METTL15: variants seen among roughly 807,000 people sequenced by gnomAD.
METTL15 encodes methyltransferase 15, mitochondrial 12S rRNA N4-cytidine.
METTL15 carries 34 observed loss-of-function variants against 38.3 expected under a neutral mutation model. That is an observed-to-expected ratio of 0.89 (90% CI 0.68 to 1.18). METTL15 has a LOEUF of 1.18. Among genes scored for constraint, METTL15 ranks in the 50% most tolerant of loss-of-function variants. METTL15 has a pLI of 0.00. For missense variants in METTL15, 438 were observed against 498.4 expected, an observed-to-expected ratio of 0.88 and a Z score of 1.15; for synonymous variants, 162 against 170.9, an observed-to-expected ratio of 0.95 and a Z score of 0.41.
At chr11:28,213,059 A>G (rs78090627) in intron 4 of METTL15, among the ~76,000 whole-genome samples, 117 of 152,336 alleles carry the variant, frequency 7.7e-4, no homozygotes, top group African/African-American at 2.8e-3. Flanking sequence ...TAAAAGGCAT[A>G]AACGACTTTA....
At chr11:28,419,927 A>G (rs1252760712) in intron 5 of METTL15, among the ~76,000 whole-genome samples, 12 of 152,188 alleles carry the variant, frequency 7.9e-5, no homozygotes, top group Admixed American at 7.9e-4. Flanking sequence ...AACAGAAGAG[A>G]GAATTAGTGA....
At chr11:28,235,116 A>C (rs1163466902) in intron 4 of METTL15, among the ~76,000 whole-genome samples, 1 of 152,138 alleles carries the variant, frequency 6.6e-6, no homozygotes, top group Non-Finnish European at 1.5e-5. Flanking sequence ...AGATAGTTGT[A>C]GATATGAGGC....
intron 6 of METTL15, among the ~76,000 whole-genome samples, chr11:28,320,286 T>A (rs2134044862): frequency 6.7e-6 from 1 of 150,210 alleles, no homozygotes; most frequent in Non-Finnish European, 1.5e-5. Flanking sequence ...TAAGGCATGG[T>A]GGTTAACGGC....
At chr11:28,149,188 ATTTT>A (rs577799533) in intron 3 of METTL15, among the ~76,000 whole-genome samples, 3 of 136,752 alleles carry the variant, frequency 2.2e-5, no homozygotes, top group South Asian at 2.3e-4. Context: ...TCATTTTCTG[ATTTT>A]TTTTTTTTTT....
intron 4 of METTL15, among the ~76,000 whole-genome samples, chr11:28,289,569 T>C (rs1856426994): frequency 6.6e-6 from 1 of 152,152 alleles, no homozygotes; most frequent in Non-Finnish European, 1.5e-5. Flanking sequence ...GAAGAATTAG[T>C]ATAGCTGCAA....
chr11:28,361,122 G>A (rs532367777), intron 4 of METTL15, among the ~76,000 whole-genome samples: 120 of 151,154 alleles, frequency 7.9e-4, no homozygotes, highest in Admixed American at 3.7e-3. Flanking sequence ...ATAAACATAC[G>A]TGTGCATGTG....
intron 6 of METTL15, among the ~76,000 whole-genome samples, chr11:28,469,446 A>G (rs745959840): frequency 2.0e-5 from 3 of 152,174 alleles, no homozygotes; most frequent in Non-Finnish European, 4.4e-5. Context: ...TTCTCTTAGT[A>G]AATTTCAAGT....
rs142963219 is a variant in METTL15, at chr11:28,238,654, C to A, written c.407+27456C>A. On this transcript the variant is annotated intron_variant, in intron 4 of 6. Transcript: ENST00000407364. ...GTCTGGCACTCCCTAGTGAGATGAA[C>A]CCGGTACCTCAGATGGAAATGCAGA... is the stretch of plus-strand genomic sequence containing the variant. Among the ~76,000 whole-genome samples the A allele has an allele frequency of 6.3e-3, 956 of 152,320 alleles. 10 individuals are homozygous for A. The highest frequency in any genetic ancestry group is 0.018 in the African/African-American group (768 of 41,578).
chr11:28,179,855 A>G (rs1337103918), intron 3 of METTL15, among the ~76,000 whole-genome samples: 2 of 151,820 alleles, frequency 1.3e-5, no homozygotes, highest in African/African-American at 4.8e-5. Context: ...GAATCTCTTT[A>G]CATTTGTATC....
At chr11:28,400,549 C>G (rs917829278) in intron 5 of METTL15, among the ~76,000 whole-genome samples, 2 of 151,906 alleles carry the variant, frequency 1.3e-5, no homozygotes, top group African/African-American at 4.8e-5. Context: ...TTAAAACCAA[C>G]TTGAATTTGT....
At chr11:28,515,443 T>C (rs1851711865) in intron 6 of METTL15, among the ~76,000 whole-genome samples, 1 of 152,222 alleles carries the variant, frequency 6.6e-6, no homozygotes, top group Non-Finnish European at 1.5e-5. Context: ...TTTTTCTCCA[T>C]GAGGGATTCA....
intron 4 of METTL15, among the ~76,000 whole-genome samples, chr11:28,226,187 G>C (rs1290466716): frequency 1.3e-5 from 2 of 151,924 alleles, no homozygotes; most frequent in East Asian, 1.9e-4. Context: ...TTGTGTCTCT[G>C]AGGCAGTGGG....
At position 28,422,334 on chromosome 11, in the gene METTL15, AC is replaced by A. The variant is rs529971429; in HGVS notation, c.*359-1964del. On this transcript the variant is annotated intron_variant and NMD_transcript_variant, in intron 5 of 7. Coordinates refer to the METTL15 transcript ENST00000532947. Reference sequence around the variant, plus strand: ...ACATTCTTCACAGAAATAGAAAAAAACAATCCTAAAATTTATGTGGAACTAC... The same window carrying A: ...ACATTCTTCACAGAAATAGAAAAAAAAATCCTAAAATTTATGTGGAACTAC... Among the ~76,000 whole-genome samples, 80 of 152,124 alleles carry A rather than the reference AC, an allele frequency of 5.3e-4. No homozygotes were observed. The South Asian group carries it at 0.012, about 22-fold the overall frequency.
At chr11:28,194,021 T>TA (rs1172605346) in intron 3 of METTL15, among the ~76,000 whole-genome samples, 12 of 152,198 alleles carry the variant, frequency 7.9e-5, no homozygotes, top group Non-Finnish European at 1.5e-5. Flanking sequence ...GCAATCCCTT[T>TA]ATGTTTTATT....
At chr11:28,189,495 T>A (rs879578080) in intron 3 of METTL15, among the ~76,000 whole-genome samples, 20 of 151,460 alleles carry the variant, frequency 1.3e-4, no homozygotes, top group South Asian at 8.3e-4. Context: ...AGTTTTTTTT[T>A]ATAAACTTCT....
At chr11:28,183,818 G>A (rs1256476221) in intron 3 of METTL15, among the ~76,000 whole-genome samples, 1 of 152,060 alleles carries the variant, frequency 6.6e-6, no homozygotes, top group African/African-American at 2.4e-5. Flanking sequence ...GTTTGGAATA[G>A]TTTCAGAAGG....
intron 4 of METTL15, among the ~76,000 whole-genome samples, chr11:28,218,681 T>C (rs1168289930): frequency 6.6e-6 from 1 of 152,204 alleles, no homozygotes; most frequent in Non-Finnish European, 1.5e-5. Context: ...TTCAGTATGA[T>C]ATTGGCTGTG....
At chr11:28,196,505 T>C (rs1436114371) in intron 3 of METTL15, among the ~76,000 whole-genome samples, 1 of 152,016 alleles carries the variant, frequency 6.6e-6, no homozygotes, top group Non-Finnish European at 1.5e-5. Context: ...ATTCTCAGCT[T>C]ATTGATGTAC....
At chr11:28,476,030 C>A (rs575524901) in intron 6 of METTL15, among the ~76,000 whole-genome samples, 1 of 152,296 alleles carries the variant, frequency 6.6e-6, no homozygotes, top group South Asian at 2.1e-4. Context: ...TGTCATGATA[C>A]CTTCATCTGA....
Sources: gnomAD v4.1 joint callset for allele counts (sites outside exome capture counted in the v4.1 genomes callset) on GRCh38, gnomAD v4.1.1 for gene constraint, MANE v1.5 for transcripts, NCBI Gene and HGNC (gene_info 2026-07-23, HGNC 2026-07-21) for gene names.